The following CPAMD8 variants were observed in gnomAD, a reference collection of about 807,000 sequenced individuals.
CPAMD8 encodes C3 and PZP like alpha-2-macroglobulin domain containing 8.
In CPAMD8, 146 loss-of-function variants were observed where a neutral mutation model predicts 224.7. The observed-to-expected ratio is 0.65, with a 90% CI of 0.57 to 0.75. The LOEUF is 0.75. CPAMD8 is among the 30% of genes least tolerant of loss of function. CPAMD8 has a pLI of 0.00. For synonymous variants in CPAMD8, 966 were observed against 1,044.6 expected, an observed-to-expected ratio of 0.92 and a Z score of 1.45; for missense variants, 2,301 against 2,537.5, an observed-to-expected ratio of 0.91 and a Z score of 2.00.
At position 17,024,960 on chromosome 19, in the gene CPAMD8, T is replaced by C. The variant is rs576988376; in HGVS notation, c.92+1591A>G. Among the ~76,000 whole-genome samples, 6 of 152,368 alleles carry C rather than the reference T, an allele frequency of 3.9e-5. No homozygotes were observed. The East Asian group carries it at 1.2e-3, about 29-fold the overall frequency. ...CTTTGGGCTGGGTGAACCATGCCCC[T>C]GGCTTAGAGGCCAGCTAATCTGGAA... On this transcript the variant is annotated intron_variant, in intron 1 of 41. Transcript: ENST00000443236.
In CPAMD8 at chr19:16,919,701, C is replaced by T. The variant is rs79203483; in HGVS notation, c.3629+2204G>A. Among the ~76,000 whole-genome samples the T allele has an allele frequency of 6.4e-3, 971 of 152,352 alleles. 7 individuals are homozygous for T. The highest frequency in any genetic ancestry group is 0.021 in the African/African-American group (862 of 41,582). ...TTTCTCCTGCACTGGGCAGCGAGGA[C>T]CTGGAGGTAGGAACCATGTGTTCCT... On this transcript the variant is annotated intron_variant, in intron 27 of 41. Transcript: ENST00000443236.
At chr19:16,982,461 C>T (rs186209624) in intron 13 of CPAMD8, among the ~76,000 whole-genome samples, 1,545 of 151,924 alleles carry the variant, frequency 0.01, 16 homozygotes, top group African/African-American at 0.026. Flanking sequence ...TCTACCTCCC[C>T]CTAAAGGAAG....
chr19:16,904,644 AG>A, intron 30 of CPAMD8, 92 bp from the exon 31 acceptor site: 1 of 875,076 alleles, frequency 1.1e-6, no homozygotes, highest in Middle Eastern at 2.6e-4. Context: ...TCTAAAGAAA[AG>A]GTATTGTGGG....
chr19:16,955,418 C>T (rs113258368), intron 19 of CPAMD8, among the ~76,000 whole-genome samples: 62 of 152,210 alleles, frequency 4.1e-4, no homozygotes, highest in African/African-American at 1.4e-3. Context: ...CACTTACAGG[C>T]GGTCCCTAGA....
chr19:16,980,996 A>G (rs2055493938), intron 13 of CPAMD8, among the ~76,000 whole-genome samples: 1 of 151,948 alleles, frequency 6.6e-6, no homozygotes, highest in Non-Finnish European at 1.5e-5. Context: ...CCATGCCGGT[A>G]TAATTTTTGT....
rs1299028718 is a variant in CPAMD8, at chr19:16,980,693, A to G, written c.1396-7T>C. On this transcript the variant is annotated splice_polypyrimidine_tract_variant and splice_region_variant and intron_variant, in intron 13 of 41. Transcript: ENST00000443236. ...AATAGGCTTCTTCCCCAACCTATGG[A>G]AGACACGCAGCATGGGGGGCTCTGC... 6.6e-7 allele frequency: 1 copy of G among 1,521,430 alleles called. No homozygotes were observed. Among genetic ancestry groups the G allele is most frequent in the South Asian group, 1.3e-5 (1 of 76,590 alleles). 94.2% of individuals were successfully genotyped at this position (1,521,430 alleles called of 1,614,324 possible).
At chr19:16,984,898 C>A (rs1280087213) in intron 13 of CPAMD8, among the ~76,000 whole-genome samples, 1 of 152,210 alleles carries the variant, frequency 6.6e-6, no homozygotes, top group Non-Finnish European at 1.5e-5. Context: ...AATGCACATG[C>A]ACACTCATGT....
chr19:17,008,597 C>T, intron 6 of CPAMD8, 38 bp from the exon 7 acceptor site: 2 of 1,607,206 alleles, frequency 1.2e-6, no homozygotes, highest in South Asian at 2.2e-5. Context: ...ACGGAGTGAA[C>T]TCAGGCTAGC....
rs746618450 is a variant in CPAMD8 at position 16,951,965 on chromosome 19, G to A, written c.2508+4C>T. The A allele has an allele frequency of 3.3e-6, 5 of 1,536,024 alleles. No individual in the cohort carries two copies. The highest frequency in any genetic ancestry group is 1.8e-6 in the Non-Finnish European group (2 of 1,129,130). ...GAAGGCTATGTATTTGGGGGGCTGA[G>A]TACCTCAGCGCAGGTGCCCATGTAG... is the stretch of plus-strand genomic sequence containing the variant. On this transcript the variant is annotated splice_donor_region_variant and intron_variant, in intron 20 of 41. Transcript: ENST00000443236.
intron 41 of CPAMD8, chr19:16,894,590 C>A: frequency 2.4e-6 from 1 of 418,962 alleles, no homozygotes; most frequent in Non-Finnish European, 4.8e-6. Context: ...GGACACATGG[C>A]CCAGGCCTGG....
Position 16,952,798 on chromosome 19 carries a change from T to G in CPAMD8, c.2277-598A>C, listed in dbSNP as rs148392828. 8.3e-4 allele frequency among the ~76,000 whole-genome samples: 126 copies of G among 152,348 alleles called. 1 individual carries two copies. The Middle Eastern group carries it at 0.014, about 16-fold the overall frequency. On this transcript the variant is annotated intron_variant, in intron 19 of 41. Coordinates refer to ENST00000443236, the MANE Select transcript of CPAMD8 (RefSeq NM_015692.5). ...GTTAAAATGTCAAAACTACCCAAAG[T>G]GATCTATAGATTCAATGGAACCCCT...
intron 26 of CPAMD8, among the ~76,000 whole-genome samples, chr19:16,922,368 G>T (rs371288848): frequency 6.7e-6 from 1 of 149,230 alleles, no homozygotes; most frequent in East Asian, 2.0e-4. Context: ...CCCTGGAACC[G>T]CAGCGCACCA....
chr19:16,997,001 A>G (rs2056147314), intron 11 of CPAMD8, 110 bp downstream of exon 11: 1 of 716,370 alleles, frequency 1.4e-6, no homozygotes, highest in Non-Finnish European at 2.5e-6. Flanking sequence ...CGCAAAGGTT[A>G]TGTCAGGGGA....
At chr19:16,993,325 GCC>G in intron 12 of CPAMD8, 89 bp downstream of exon 12, 1 of 1,049,406 alleles carries the variant, frequency 9.5e-7, no homozygotes. Context: ...CGGGCTCCAG[GCC>G]CACTGATCAG....
chr19:16,956,336 C>G (rs758821838), intron 19 of CPAMD8, among the ~76,000 whole-genome samples: 4 of 152,056 alleles, frequency 2.6e-5, no homozygotes, highest in Non-Finnish European at 4.4e-5. Context: ...CAGCTTGGGC[C>G]CTACATTGAG....
intron 18 of CPAMD8, among the ~76,000 whole-genome samples, chr19:16,960,775 G>A (rs1404904243): frequency 6.6e-6 from 1 of 151,624 alleles, no homozygotes; most frequent in East Asian, 1.9e-4. Context: ...GGTGGTGCAG[G>A]CCTGTAATCC....
intron 18 of CPAMD8, among the ~76,000 whole-genome samples, chr19:16,960,485 T>C (rs542215653): frequency 6.6e-6 from 1 of 151,866 alleles, no homozygotes; most frequent in South Asian, 2.1e-4. Context: ...AAACATGCAT[T>C]TACTGATATG....
chr19:16,995,703 C>G (rs1158732042), intron 11 of CPAMD8, among the ~76,000 whole-genome samples: 1 of 152,084 alleles, frequency 6.6e-6, no homozygotes, highest in East Asian at 1.9e-4. Context: ...GCCCAGCCTA[C>G]CCCAGTTTAA....
chr19:16,901,345 G>C, intron 35 of CPAMD8, 48 bp from the exon 36 acceptor site: 1 of 1,322,462 alleles, frequency 7.6e-7, no homozygotes, highest in Admixed American at 1.8e-5. Flanking sequence ...CAAGCCCAGA[G>C]GTGGAATTCA....
Sources: gnomAD v4.1 joint callset for allele counts (sites outside exome capture counted in the v4.1 genomes callset) on GRCh38, gnomAD v4.1.1 for gene constraint, MANE v1.5 for transcripts, NCBI Gene and HGNC (gene_info 2026-07-23, HGNC 2026-07-21) for gene names.